Variants in KCNH8 observed in about 807,000 individuals in gnomAD.
The protein encoded by KCNH8 is potassium voltage-gated channel subfamily H member 8, also known as voltage-gated delayed rectifier potassium channel KCNH8.
In KCNH8, 70 loss-of-function variants were observed where a neutral mutation model predicts 103.6. The observed-to-expected ratio is 0.68, with a 90% CI of 0.56 to 0.82. The LOEUF (loss-of-function observed/expected upper bound fraction) is 0.82. Ranked by LOEUF, KCNH8 falls within the 40% of genes least tolerant of loss-of-function variation. The pLI, the probability that KCNH8 is intolerant of heterozygous loss-of-function variation, is 0.00. For missense variants in KCNH8, 1,217 were observed against 1,329.9 expected (o/e 0.92, Z 1.32); for synonymous variants, 498 against 489.4 (o/e 1.02, Z -0.23).
intron 8 of KCNH8, among the ~76,000 whole-genome samples, chr3:19,440,566 G>C (rs1288328730): frequency 6.6e-6 from 1 of 152,042 alleles, no homozygotes; most frequent in African/African-American, 2.4e-5. Flanking sequence ...TTACTATCAG[G>C]AGAACAGCAC....
intron 5 of KCNH8, among the ~76,000 whole-genome samples, chr3:19,383,013 C>A (rs2066308556): frequency 6.6e-6 from 1 of 152,094 alleles, no homozygotes; most frequent in Non-Finnish European, 1.5e-5. Flanking sequence ...TGCCCCGGTC[C>A]TCAAAACTTT....
In KCNH8 at chr3:19,502,684, C is replaced by T. The variant is rs539376134; in HGVS notation, c.2041-7679C>T. Among the ~76,000 whole-genome samples, 20 of 151,712 alleles carry T rather than the reference C, an allele frequency of 1.3e-4. No homozygotes were observed. The South Asian group carries it at 4.2e-3, about 32-fold the overall frequency. On this transcript the variant is annotated intron_variant, in intron 11 of 15. Coordinates refer to ENST00000328405, the MANE Select transcript of KCNH8 (RefSeq NM_144633.3). ...AAAAACAAGCAATGGGGAAAGGATT[C>T]CCTATTTAATAAATGGTGCTGGGAA...
At chr3:19,197,894 CA>C (rs2063617875) in intron 1 of KCNH8, among the ~76,000 whole-genome samples, 2 of 151,722 alleles carry the variant, frequency 1.3e-5, no homozygotes, top group African/African-American at 2.4e-5. Flanking sequence ...AAAATTTGTG[CA>C]GTATTTTTTA....
chr3:19,355,307 T>C (rs991898037), intron 5 of KCNH8, among the ~76,000 whole-genome samples: 3 of 152,208 alleles, frequency 2.0e-5, no homozygotes, highest in Admixed American at 6.5e-5. Flanking sequence ...AGTTCACCCA[T>C]TGTGGAAGAC....
At chr3:19,530,936 T>C (rs1206908398) in intron 15 of KCNH8, among the ~76,000 whole-genome samples, 4 of 152,214 alleles carry the variant, frequency 2.6e-5, no homozygotes, top group East Asian at 1.9e-4. Flanking sequence ...TGAGAAATGA[T>C]AGTACATCCC....
chr3:19,514,461 A>G (rs1477130573), intron 13 of KCNH8, among the ~76,000 whole-genome samples: 1 of 151,976 alleles, frequency 6.6e-6, no homozygotes, highest in Admixed American at 6.6e-5. Context: ...AAAGGTTTAT[A>G]TACAACATAA....
At chr3:19,236,672 T>C (rs116813127) in intron 1 of KCNH8, among the ~76,000 whole-genome samples, 2,217 of 152,298 alleles carry the variant, frequency 0.015, 57 homozygotes, top group African/African-American at 0.05. Flanking sequence ...AAGCATAAAA[T>C]TATTCACTCA....
At chr3:19,272,099 G>A (rs1214273420) in intron 2 of KCNH8, among the ~76,000 whole-genome samples, 1 of 151,976 alleles carries the variant, frequency 6.6e-6, no homozygotes, top group Non-Finnish European at 1.5e-5. Flanking sequence ...TTGAATGAAC[G>A]TAATTCCTTT....
intron 5 of KCNH8, among the ~76,000 whole-genome samples, chr3:19,367,209 C>T (rs549110100): frequency 2.6e-5 from 4 of 151,818 alleles, no homozygotes; most frequent in African/African-American, 4.8e-5. Context: ...TTCCTCTTTA[C>T]GCAATTAAAT....
At chr3:19,360,583 C>G (rs2065935438) in intron 5 of KCNH8, among the ~76,000 whole-genome samples, 1 of 152,004 alleles carries the variant, frequency 6.6e-6, no homozygotes, top group Non-Finnish European at 1.5e-5. Context: ...AGTTTGCCAA[C>G]CCCTGGTCTA....
At chr3:19,414,839 T>A (rs2066838502) in intron 7 of KCNH8, among the ~76,000 whole-genome samples, 1 of 151,998 alleles carries the variant, frequency 6.6e-6, no homozygotes, top group Non-Finnish European at 1.5e-5. Flanking sequence ...AGCTTGAGAT[T>A]TCCTGGAGAT....
At chr3:19,521,488 A>C (rs6770402) in intron 15 of KCNH8, among the ~76,000 whole-genome samples, 9,488 of 151,984 alleles carry the variant, frequency 0.062, 302 homozygotes, top group East Asian at 0.09. Context: ...TTCCATCCTC[A>C]TACAAGGTTA....
At chr3:19,341,243 C>G (rs1346197901) in intron 3 of KCNH8, among the ~76,000 whole-genome samples, 1 of 152,086 alleles carries the variant, frequency 6.6e-6, no homozygotes, top group Admixed American at 6.6e-5. Context: ...TGGTTAAACT[C>G]CACCATTTTG....
At chr3:19,178,462 A>G (rs1258872374) in intron 1 of KCNH8, among the ~76,000 whole-genome samples, 1 of 152,164 alleles carries the variant, frequency 6.6e-6, no homozygotes, top group African/African-American at 2.4e-5. Flanking sequence ...AAGATACACT[A>G]CAGTAAGAGA....
intron 11 of KCNH8, among the ~76,000 whole-genome samples, chr3:19,506,533 C>T (rs1444959057): frequency 6.6e-6 from 1 of 152,122 alleles, no homozygotes; most frequent in East Asian, 1.9e-4. Flanking sequence ...TCTGTATTTC[C>T]TCATGATTGC....
At chr3:19,480,868 T>C (rs1218286974) in intron 11 of KCNH8, among the ~76,000 whole-genome samples, 1 of 152,202 alleles carries the variant, frequency 6.6e-6, no homozygotes, top group Non-Finnish European at 1.5e-5. Flanking sequence ...GTCCTCCCTC[T>C]CAGTTCCCAC....
At chr3:19,436,042 A>G (rs1230485995) in intron 7 of KCNH8, among the ~76,000 whole-genome samples, 1 of 152,144 alleles carries the variant, frequency 6.6e-6, no homozygotes, top group Non-Finnish European at 1.5e-5. Context: ...TAACTATGCA[A>G]TCGAAAAATA....
chr3:19,164,010 G>A (rs1253521950), intron 1 of KCNH8, among the ~76,000 whole-genome samples: 2 of 152,080 alleles, frequency 1.3e-5, no homozygotes, highest in African/African-American at 4.8e-5. Context: ...TTAAATTTTG[G>A]GAGAGTCAAA....
intron 5 of KCNH8, among the ~76,000 whole-genome samples, chr3:19,363,444 C>T (rs1227188283): frequency 2.0e-5 from 3 of 152,168 alleles, no homozygotes; most frequent in Non-Finnish European, 2.9e-5. Flanking sequence ...AGAAGCAAGT[C>T]ATTAGCTAAA....
Sources: allele counts gnomAD v4.1 joint callset (sites outside exome capture counted in the v4.1 genomes callset), GRCh38; gene constraint gnomAD v4.1.1; transcripts MANE v1.5; gene names NCBI Gene and HGNC (gene_info 2026-07-23, HGNC 2026-07-21).